The following MED12L variants were observed in gnomAD, a reference collection of about 807,000 sequenced individuals.
The protein encoded by MED12L is mediator of RNA polymerase II transcription subunit 12-like protein.
In MED12L, 60 loss-of-function variants were observed where a neutral mutation model predicts 281.3. The observed-to-expected ratio is 0.21, with a 90% CI of 0.17 to 0.26. The LOEUF (loss-of-function observed/expected upper bound fraction) is 0.26, where lower values mean the gene tolerates loss of function less well. Ranked by LOEUF, MED12L falls within the 10% of genes least tolerant of loss-of-function variation. MED12L has a pLI of 1.00. For synonymous variants in MED12L, 974 were observed against 987.2 expected (o/e 0.99, Z 0.25); for missense variants, 2,146 against 2,680.9 (o/e 0.80, Z 4.41).
At chr3:151,230,149 C>T (rs7620767) in intron 16 of MED12L, among the ~76,000 whole-genome samples, 41,702 of 151,862 alleles carry the variant, frequency 0.27, 6,023 homozygotes, top group South Asian at 0.32. Context: ...TTTGTTTTTG[C>T]ATTTTTAGTA....
At chr3:151,163,639 G>A (rs1437447638) in intron 8 of MED12L, among the ~76,000 whole-genome samples, 1 of 151,836 alleles carries the variant, frequency 6.6e-6, no homozygotes, top group Non-Finnish European at 1.5e-5. Flanking sequence ...GTTCCTTCAG[G>A]TTCCTGTTGG....
intron 35 of MED12L, among the ~76,000 whole-genome samples, chr3:151,384,519 A>G (rs543414392): frequency 1.3e-5 from 2 of 152,224 alleles, no homozygotes; most frequent in African/African-American, 2.4e-5. Flanking sequence ...GGATAACTCT[A>G]TGCTTGGACT....
chr3:151,371,106 C>T (rs1378508136), intron 26 of MED12L, among the ~76,000 whole-genome samples: 1 of 152,162 alleles, frequency 6.6e-6, no homozygotes, highest in Non-Finnish European at 1.5e-5. Context: ...TGAGGATCTC[C>T]TAGTATGGGG....
chr3:151,367,469 T>A (rs1755426461), intron 23 of MED12L, among the ~76,000 whole-genome samples, 177 bp from the exon 24 acceptor site: 1 of 152,228 alleles, frequency 6.6e-6, no homozygotes, highest in Non-Finnish European at 1.5e-5. Flanking sequence ...ATTCATTGTT[T>A]TATAAAATAG....
intron 16 of MED12L, among the ~76,000 whole-genome samples, chr3:151,210,856 G>T (rs1727054741): frequency 6.6e-6 from 1 of 152,258 alleles, no homozygotes; most frequent in Non-Finnish European, 1.5e-5. Flanking sequence ...GCTCTCAGCA[G>T]ACTGTCATTA....
intron 21 of MED12L, among the ~76,000 whole-genome samples, chr3:151,363,929 G>C (rs950642141): frequency 1.3e-5 from 2 of 152,072 alleles, no homozygotes; most frequent in African/African-American, 2.4e-5. Flanking sequence ...TTAGAATAGA[G>C]AGTCTTTGTG....
intron 43 of MED12L, among the ~76,000 whole-genome samples, chr3:151,416,802 A>G (rs1394332719): frequency 1.3e-5 from 2 of 152,220 alleles, no homozygotes; most frequent in African/African-American, 4.8e-5. Context: ...CCATGGGCGC[A>G]CTTTCTAAAA....
chr3:151,301,681 A>C (rs1236538278), intron 16 of MED12L, among the ~76,000 whole-genome samples: 4 of 152,204 alleles, frequency 2.6e-5, no homozygotes, highest in Non-Finnish European at 5.9e-5. Context: ...GGGAAATTCA[A>C]ATGAGAACCA....
intron 8 of MED12L, among the ~76,000 whole-genome samples, chr3:151,160,760 T>C (rs1036062139): frequency 6.6e-6 from 1 of 152,206 alleles, no homozygotes; most frequent in African/African-American, 2.4e-5. Flanking sequence ...GGGTCATAAA[T>C]GGACAGTTTC....
At chr3:151,182,984 AG>A (rs1001293357) in intron 11 of MED12L, among the ~76,000 whole-genome samples, 1 of 152,184 alleles carries the variant, frequency 6.6e-6, no homozygotes, top group Non-Finnish European at 1.5e-5. Context: ...TAGTTGTGTA[AG>A]TGGATGTTAT....
At chr3:151,182,822 C>T (rs898913173) in intron 11 of MED12L, among the ~76,000 whole-genome samples, 3 of 151,980 alleles carry the variant, frequency 2.0e-5, no homozygotes, top group African/African-American at 4.8e-5. Context: ...GCCCAGGGAG[C>T]GGATGGGTTT....
chr3:151,311,953 GGCGGAGGTT>G (rs565397798), intron 16 of MED12L, among the ~76,000 whole-genome samples: 1 of 152,180 alleles, frequency 6.6e-6, no homozygotes, highest in Non-Finnish European at 1.5e-5. Flanking sequence ...GAACCTGGGA[GGCGGAGGTT>G]GCGGAGGTTG....
intron 12 of MED12L, 35 bp downstream of exon 12, chr3:151,185,496 G>T: frequency 6.2e-7 from 1 of 1,609,740 alleles, no homozygotes; most frequent in Non-Finnish European, 8.5e-7. Context: ...GTTGAATGCC[G>T]TAATGTAAAA....
intron 5 of MED12L, among the ~76,000 whole-genome samples, chr3:151,148,740 C>A (rs1384662573): frequency 6.6e-6 from 1 of 152,150 alleles, no homozygotes; most frequent in African/African-American, 2.4e-5. Flanking sequence ...TAGTGAGTTC[C>A]CACTGGCTTT....
At chr3:151,309,751 A>G (rs1344443822) in intron 16 of MED12L, among the ~76,000 whole-genome samples, 4 of 152,068 alleles carry the variant, frequency 2.6e-5, no homozygotes, top group African/African-American at 9.7e-5. Flanking sequence ...GCATCCTTTT[A>G]TCTCCAGGGT....
At chr3:151,318,973 C>T (rs981491276) in intron 16 of MED12L, among the ~76,000 whole-genome samples, 1 of 152,120 alleles carries the variant, frequency 6.6e-6, no homozygotes, top group African/African-American at 2.4e-5. Context: ...CTGTAAGCAA[C>T]GTGCCCGGGA....
chr3:151,278,120 ATATACCAAT>A (rs893397271), intron 16 of MED12L, among the ~76,000 whole-genome samples: 27 of 152,212 alleles, frequency 1.8e-4, no homozygotes, highest in African/African-American at 6.5e-4. Context: ...AAATATATTA[ATATACCAAT>A]TATAGTTGTC....
intron 16 of MED12L, among the ~76,000 whole-genome samples, chr3:151,267,525 G>T (rs1056798975): frequency 1.3e-5 from 2 of 152,104 alleles, no homozygotes; most frequent in Non-Finnish European, 2.9e-5. Flanking sequence ...AAAAGTGCAA[G>T]CTACAAATGA....
At chr3:151,367,355 T>C (rs1432048304) in intron 23 of MED12L, among the ~76,000 whole-genome samples, 2 of 152,242 alleles carry the variant, frequency 1.3e-5, no homozygotes, top group African/African-American at 4.8e-5. Flanking sequence ...TTACATCTTG[T>C]AGTGATTTCC....
Sources: gnomAD v4.1 joint callset for allele counts (sites outside exome capture counted in the v4.1 genomes callset) on GRCh38, gnomAD v4.1.1 for gene constraint, MANE v1.5 for transcripts, NCBI Gene and HGNC (gene_info 2026-07-23, HGNC 2026-07-21) for gene names.